The following DGKI variants were observed in gnomAD, a reference collection of about 807,000 sequenced individuals.
The protein encoded by DGKI is diacylglycerol kinase iota, also known as DAG kinase iota.
In DGKI, 55 loss-of-function variants were observed where a neutral mutation model predicts 147.5. That is an observed-to-expected ratio of 0.37 (90% CI 0.30 to 0.47). The LOEUF (loss-of-function observed/expected upper bound fraction) is 0.47, where lower values mean the gene tolerates loss of function less well. Ranked by LOEUF, DGKI falls within the 20% of genes least tolerant of loss-of-function variation. The probability of loss-of-function intolerance (pLI) is 1.00; values close to 1 mark genes in which losing one functional copy is unlikely to be tolerated. For synonymous variants in DGKI, 469 were observed against 477.1 expected (o/e 0.98, Z 0.22); for missense variants, 1,007 against 1,323.8 (o/e 0.76, Z 3.71).
At chr7:137,645,438 C>T in intron 6 of DGKI, 34 bp downstream of exon 6, 1 of 1,603,998 alleles carries the variant, frequency 6.2e-7, no homozygotes, top group Non-Finnish European at 8.5e-7. Context: ...CCTGGGGAGC[C>T]TCCTGCGAGG....
At chr7:137,577,399 T>C in intron 16 of DGKI, 115 bp from the exon 17 acceptor site, 1 of 744,832 alleles carries the variant, frequency 1.3e-6, no homozygotes, top group Non-Finnish European at 2.2e-6. Flanking sequence ...TCTAAACATG[T>C]TCTCTTTCTG....
intron 7 of DGKI, among the ~76,000 whole-genome samples, chr7:137,621,816 G>C (rs1333971276): frequency 6.6e-6 from 1 of 152,160 alleles, no homozygotes; most frequent in African/African-American, 2.4e-5. Context: ...ATAGACCATC[G>C]CACCACAGCC....
intron 23 of DGKI, among the ~76,000 whole-genome samples, chr7:137,481,095 G>A (rs1815355723): frequency 6.6e-6 from 1 of 152,028 alleles, no homozygotes; most frequent in Non-Finnish European, 1.5e-5. Context: ...ATTGACATTT[G>A]GGGCTGGATA....
chr7:137,573,029 G>C (rs1818845995), intron 17 of DGKI, among the ~76,000 whole-genome samples, 191 bp from the exon 18 acceptor site: 1 of 152,110 alleles, frequency 6.6e-6, no homozygotes, highest in South Asian at 2.1e-4. Flanking sequence ...GGGTACAGAG[G>C]TTGGTTTTGT....
At chr7:137,670,635 C>T (rs1282484814) in intron 3 of DGKI, among the ~76,000 whole-genome samples, 3 of 152,200 alleles carry the variant, frequency 2.0e-5, no homozygotes, top group Non-Finnish European at 4.4e-5. Flanking sequence ...CCACACTTTC[C>T]ATGAGTCATC....
chr7:137,576,673 A>G (rs537401387), intron 17 of DGKI, among the ~76,000 whole-genome samples: 3 of 152,310 alleles, frequency 2.0e-5, no homozygotes, highest in African/African-American at 7.2e-5. Flanking sequence ...ACATACACAA[A>G]AAATCCATCT....
chr7:137,464,252 A>T (rs1393656263), intron 26 of DGKI, among the ~76,000 whole-genome samples: 2 of 132,682 alleles, frequency 1.5e-5, no homozygotes, highest in African/African-American at 6.0e-5. Flanking sequence ...GCGAGACTCC[A>T]TCTCAAAAAA....
At chr7:137,627,434 T>C (rs1156679095) in intron 6 of DGKI, among the ~76,000 whole-genome samples, 1 of 152,222 alleles carries the variant, frequency 6.6e-6, no homozygotes, top group Non-Finnish European at 1.5e-5. Context: ...TTCTGATTAA[T>C]TGAACAAAAA....
intron 20 of DGKI, among the ~76,000 whole-genome samples, chr7:137,541,022 C>T (rs1188323937): frequency 6.6e-6 from 1 of 152,056 alleles, no homozygotes. Flanking sequence ...TTTTTGGAGA[C>T]ATAGGCAAGC....
intron 8 of DGKI, among the ~76,000 whole-genome samples, chr7:137,617,710 C>T (rs554320299): frequency 2.6e-5 from 4 of 152,118 alleles, no homozygotes; most frequent in Middle Eastern, 3.4e-3. Context: ...TGTATCTTGA[C>T]TGAATCAAGG....
At chr7:137,399,020 A>C (rs1194577425) in intron 30 of DGKI, among the ~76,000 whole-genome samples, 1 of 112,760 alleles carries the variant, frequency 8.9e-6, no homozygotes, top group Non-Finnish European at 2.1e-5. Flanking sequence ...TTTTTTCACA[A>C]AAGCTAAAGT....
At chr7:137,561,520 T>C (rs907049310) in intron 19 of DGKI, among the ~76,000 whole-genome samples, 4 of 152,320 alleles carry the variant, frequency 2.6e-5, no homozygotes, top group East Asian at 3.9e-4. Context: ...GTAGGATGAC[T>C]ATAGTTGACA....
intron 1 of DGKI, among the ~76,000 whole-genome samples, chr7:137,725,396 C>T (rs969157312): frequency 6.6e-6 from 1 of 152,056 alleles, no homozygotes; most frequent in African/African-American, 2.4e-5. Flanking sequence ...AATCAACCTT[C>T]CCCCAATTCA....
At chr7:137,836,757 T>C (rs1283325149) in intron 1 of DGKI, among the ~76,000 whole-genome samples, 1 of 152,220 alleles carries the variant, frequency 6.6e-6, no homozygotes, top group Non-Finnish European at 1.5e-5. Context: ...AGCTCAATCT[T>C]GGCCTCCCTA....
intron 1 of DGKI, among the ~76,000 whole-genome samples, chr7:137,806,594 C>T (rs948735129): frequency 7.9e-5 from 12 of 152,066 alleles, no homozygotes; most frequent in African/African-American, 2.2e-4. Flanking sequence ...CCAACACGCC[C>T]GGCTAATTTT....
chr7:137,487,889 T>C (rs779903193), intron 21 of DGKI, among the ~76,000 whole-genome samples, 200 bp from the exon 22 acceptor site: 6 of 152,156 alleles, frequency 3.9e-5, no homozygotes, highest in Non-Finnish European at 7.4e-5. Context: ...GTCACACACT[T>C]TCCTAGCATG....
At chr7:137,674,383 T>C (rs779738879) in intron 3 of DGKI, among the ~76,000 whole-genome samples, 60 of 152,322 alleles carry the variant, frequency 3.9e-4, no homozygotes, top group Non-Finnish European at 7.5e-4. Context: ...TCAATCCACA[T>C]GGCAGCAGGA....
At chr7:137,614,894 A>G (rs1357901637) in intron 8 of DGKI, among the ~76,000 whole-genome samples, 2 of 152,160 alleles carry the variant, frequency 1.3e-5, no homozygotes, top group East Asian at 3.8e-4. Context: ...CTTTATTTAA[A>G]GATCCATCTT....
chr7:137,401,324 G>A (rs1246243254), intron 30 of DGKI, among the ~76,000 whole-genome samples: 3 of 150,974 alleles, frequency 2.0e-5, no homozygotes, highest in African/African-American at 7.3e-5. Flanking sequence ...TTGAGCCCAG[G>A]AATTCAAGAG....
Sources: gnomAD v4.1 joint callset for allele counts (sites outside exome capture counted in the v4.1 genomes callset) on GRCh38, gnomAD v4.1.1 for gene constraint, MANE v1.5 for transcripts, NCBI Gene and HGNC (gene_info 2026-07-23, HGNC 2026-07-21) for gene names.